The following ARPP21 variants were observed in gnomAD, a reference collection of about 807,000 sequenced individuals.
The protein encoded by ARPP21 is cAMP-regulated phosphoprotein 21.
In ARPP21, 69 loss-of-function variants were observed where a neutral mutation model predicts 113.2. The ratio of observed to expected loss-of-function variants is 0.61; its 90% CI spans 0.50 to 0.74. The LOEUF is 0.74. Among genes scored for constraint, ARPP21 ranks in the 30% least tolerant of loss-of-function variants. The probability of loss-of-function intolerance (pLI) is 0.00; values close to 1 mark genes in which losing one functional copy is unlikely to be tolerated. For missense variants in ARPP21, 1,070 were observed against 1,037.4 expected (o/e 1.03, Z -0.43); for synonymous variants, 368 against 375.5 (o/e 0.98, Z 0.23).
At chr3:35,776,122 A>T (rs1353917632) in intron 19 of ARPP21, among the ~76,000 whole-genome samples, 5 of 152,220 alleles carry the variant, frequency 3.3e-5, no homozygotes, top group Non-Finnish European at 7.3e-5. Context: ...TTTATCATTT[A>T]TTAAATGGGG....
chr3:35,766,490 A>T (rs979628725), intron 19 of ARPP21, among the ~76,000 whole-genome samples: 1 of 152,192 alleles, frequency 6.6e-6, no homozygotes, highest in Non-Finnish European at 1.5e-5. Flanking sequence ...TATGTGAAGG[A>T]TTATCATAGA....
At chr3:35,715,633 A>G (rs2092281195) in intron 12 of ARPP21, 157 bp downstream of exon 12, 2 of 483,408 alleles carry the variant, frequency 4.1e-6, no homozygotes, top group Non-Finnish European at 7.1e-6. Context: ...GTTATTTAAC[A>G]CATCTACAAA....
rs773693280 is a variant in ARPP21 at position 35,690,999 on chromosome 3, C to T, written c.680C>T (p.Thr227Ile). The change falls in exon 9 of 21, where the codon ACC becomes ATC. Residue 227 changes from threonine (T) to isoleucine (I), a missense_variant. Thr to Ile is a moderately conservative substitution (Grantham distance 89). Coordinates refer to ENST00000684406, the MANE Select transcript of ARPP21 (RefSeq NM_001385562.1). ...KSVIINKTSS[T>I]RIPEQRFCEH... Reference sequence around the variant, plus strand: ...GTTATCATCAACAAGACCAGCAGCACCAGAATGTAAGCCCCATCACTGTAC... The same window carrying T: ...GTTATCATCAACAAGACCAGCAGCATCAGAATGTAAGCCCCATCACTGTAC... 1.2e-6 allele frequency: 2 copies of T among 1,609,512 alleles called. No homozygotes were observed. The highest frequency in any genetic ancestry group is 1.7e-5 in the Admixed American group (1 of 59,650).
intron 19 of ARPP21, among the ~76,000 whole-genome samples, chr3:35,758,708 T>G (rs1172226991): frequency 3.3e-5 from 5 of 152,102 alleles, no homozygotes; most frequent in Admixed American, 2.0e-4. Flanking sequence ...GTTTAACCAT[T>G]GTCTATAAGT....
At chr3:35,723,142 A>T (rs183095893) in intron 14 of ARPP21, among the ~76,000 whole-genome samples, 2 of 152,200 alleles carry the variant, frequency 1.3e-5, no homozygotes, top group Admixed American at 1.3e-4. Flanking sequence ...CAGGAGTGGG[A>T]TGAAGAATGG....
chr3:35,668,579 CCA>C (rs2075542993), intron 1 of ARPP21, among the ~76,000 whole-genome samples: 2 of 152,114 alleles, frequency 1.3e-5, no homozygotes, highest in Non-Finnish European at 2.9e-5. Flanking sequence ...TAGTTTTGAA[CCA>C]CACAGGATTT....
In ARPP21 at chr3:35,682,891, T is replaced by C. The variant is rs1407248150; in HGVS notation, c.171+2T>C. 1 of 1,608,240 alleles carries C rather than the reference T, an allele frequency of 6.2e-7. No homozygotes were observed. The highest frequency in any genetic ancestry group is 8.5e-7 in the Non-Finnish European group (1 of 1,176,486). On this transcript the variant is annotated splice_donor_variant, in intron 4 of 20. Transcript: ENST00000684406. LOFTEE classifies it high-confidence loss of function. ...AATCAAGAAAGAAGAAAATCCAAGG[T>C]AGGGTTCTTAACATTCTAGGTAGAC...
At chr3:35,665,096 T>A (rs2073999106) in intron 1 of ARPP21, among the ~76,000 whole-genome samples, 1 of 152,236 alleles carries the variant, frequency 6.6e-6, no homozygotes, top group Admixed American at 6.5e-5. Flanking sequence ...AGTTAAAAGC[T>A]GAGTGGACCA....
At chr3:35,776,558 C>T (rs1306687917) in intron 19 of ARPP21, among the ~76,000 whole-genome samples, 2 of 152,034 alleles carry the variant, frequency 1.3e-5, no homozygotes, top group African/African-American at 4.8e-5. Flanking sequence ...ACCCTTTTGC[C>T]CTAGGATGGC....
In ARPP21 at chr3:35,690,082, G is replaced by A; in HGVS notation, c.487G>A (p.Asp163Asn). Residue 163 changes from aspartate (D) to asparagine (N), a missense_variant and splice_region_variant, in exon 8 of 21, where the codon GAC becomes AAC. By Grantham distance (23) the Asp-to-Asn change is conservative (BLOSUM62 1). Transcript: ENST00000684406. ...LINTLKNNSR[D>N]RMILLKMEQE... ...TTAAATTTAACATTTATTTTGCAGG[G>A]ACAGGATGATACTTTTGAAAATGGA... 7.3e-7 allele frequency: 1 copy of A among 1,363,930 alleles called. No individual in the cohort carries two copies. The allele number at this position is 1,363,930 out of a possible 1,614,324, so 84.5% of individuals were successfully genotyped here.
chr3:35,653,828 G>A (rs971395531), intron 1 of ARPP21, among the ~76,000 whole-genome samples: 2 of 152,004 alleles, frequency 1.3e-5, no homozygotes, highest in African/African-American at 4.8e-5. Flanking sequence ...GAAATTGTAT[G>A]TATATCAATA....
rs1260574280 is a variant in ARPP21 at position 35,773,671 on chromosome 3, G to T, written c.2138-18711G>T. Among the ~76,000 whole-genome samples the T allele has an allele frequency of 1.1e-4, 17 of 152,156 alleles. No individual in the cohort carries two copies. The East Asian group carries it at 2.3e-3, about 21-fold the overall frequency. ...CCTTCATCATGATCTTGTTAATAAT[G>T]CCAGGCCACTAAGGAGTTATAGTTC... On this transcript the variant is annotated intron_variant, in intron 19 of 20. Coordinates refer to ENST00000684406, the MANE Select transcript of ARPP21 (RefSeq NM_001385562.1).
chr3:35,660,366 G>T (rs1159059533), intron 1 of ARPP21, among the ~76,000 whole-genome samples: 1 of 152,098 alleles, frequency 6.6e-6, no homozygotes, highest in African/African-American at 2.4e-5. Flanking sequence ...CTTAGCCTCA[G>T]CTTCTGCCTC....
intron 19 of ARPP21, among the ~76,000 whole-genome samples, chr3:35,754,309 C>G (rs1474092853): frequency 6.6e-6 from 1 of 151,846 alleles, no homozygotes; most frequent in East Asian, 1.9e-4. Flanking sequence ...AGAAGCAATG[C>G]AAAAGTTGTT....
rs1051024851 is a variant in ARPP21, at chr3:35,685,506, G to A, written c.261+1691G>A. 8 of 985,104 alleles carry A rather than the reference G, an allele frequency of 8.1e-6. No homozygotes were observed. In the African/African-American group the frequency reaches 8.8e-5, roughly 11 times the overall value. 61.0% of individuals were successfully genotyped at this position (985,104 alleles called of 1,614,324 possible). ...TGCAATGCCTTCATTAGGTACCACC[G>A]GCACTTACAAAATGTGCGGACTGAA... On this transcript the variant is annotated intron_variant, in intron 5 of 20. Coordinates refer to ENST00000684406, the MANE Select transcript of ARPP21 (RefSeq NM_001385562.1).
chr3:35,724,846 T>A (rs1268794435), intron 14 of ARPP21, among the ~76,000 whole-genome samples: 1 of 152,174 alleles, frequency 6.6e-6, no homozygotes, highest in African/African-American at 2.4e-5. Flanking sequence ...TTCTTGTAAT[T>A]TTGGAAGCTT....
intron 14 of ARPP21, 148 bp from the exon 15 acceptor site, chr3:35,729,155 T>C: frequency 1.7e-6 from 1 of 591,894 alleles, no homozygotes; most frequent in South Asian, 2.2e-5. Flanking sequence ...GGCCAAAATA[T>C]GAGAGGGGCA....
chr3:35,693,085 A>T (rs2082722473), intron 9 of ARPP21, among the ~76,000 whole-genome samples: 1 of 151,582 alleles, frequency 6.6e-6, no homozygotes, highest in African/African-American at 2.4e-5. Flanking sequence ...TAGATGCCAC[A>T]TGTTTATACC....
intron 9 of ARPP21, among the ~76,000 whole-genome samples, chr3:35,694,780 A>T (rs1278972767): frequency 1.3e-5 from 2 of 151,110 alleles, no homozygotes; most frequent in African/African-American, 4.8e-5. Flanking sequence ...ATTTTTGAAG[A>T]TTAACTCAAT....
Sources: gnomAD v4.1 joint callset for allele counts (sites outside exome capture counted in the v4.1 genomes callset) on GRCh38, gnomAD v4.1.1 for gene constraint, MANE v1.5 for transcripts, NCBI Gene and HGNC (gene_info 2026-07-23, HGNC 2026-07-21) for gene names.